The following DLG1 variants were observed in gnomAD, a reference collection of about 807,000 sequenced individuals.
DLG1 encodes the protein disks large homolog 1.
In DLG1, 42 loss-of-function variants were observed where a neutral mutation model predicts 123.4. That is an observed-to-expected ratio of 0.34 (90% CI 0.27 to 0.44). DLG1 has a LOEUF of 0.44. Among genes scored for constraint, DLG1 ranks in the 20% least tolerant of loss-of-function variants. The probability of loss-of-function intolerance (pLI) is 1.00; values close to 1 mark genes in which losing one functional copy is unlikely to be tolerated. For missense variants in DLG1, 942 were observed against 1,082.6 expected, an observed-to-expected ratio of 0.87 and a Z score of 1.82; for synonymous variants, 317 against 356.2, an observed-to-expected ratio of 0.89 and a Z score of 1.24.
intron 11 of DLG1, among the ~76,000 whole-genome samples, chr3:197,127,457 AATATATATATATATATATAT>A (rs1553936527): frequency 0.014 from 301 of 20,820 alleles, 6 homozygotes; most frequent in African/African-American, 0.046. Flanking sequence ...AAAAAAAAAA[AATATATATATATATATATAT>A]ATATATATAT....
At chr3:197,135,422 T>C (rs1784591728) in intron 10 of DLG1, among the ~76,000 whole-genome samples, 1 of 152,176 alleles carries the variant, frequency 6.6e-6, no homozygotes, top group East Asian at 1.9e-4. Context: ...TGCTGGCACG[T>C]CTCTCTCCTG....
At chr3:197,170,677 T>C (rs1803747151) in intron 5 of DLG1, among the ~76,000 whole-genome samples, 1 of 152,208 alleles carries the variant, frequency 6.6e-6, no homozygotes, top group South Asian at 2.1e-4. Context: ...TTTTCTTCCA[T>C]TCTGTAGGTT....
rs984130510 is a variant in DLG1 at position 197,190,879 on chromosome 3, G to A, written c.483+3546C>T. On this transcript the variant is annotated intron_variant, in intron 5 of 24. Transcript: ENST00000667157. ...CAAAATATTAGCCAGGCGTGGTGGC[G>A]GGCGCCTGTAGTCCCAGCTACTCGG... 6.6e-5 allele frequency among the ~76,000 whole-genome samples: 10 copies of A among 152,210 alleles called. 1 individual carries two copies. Among genetic ancestry groups the A allele is most frequent in the African/African-American group, 2.2e-4 (9 of 41,552 alleles).
At position 197,294,450 on chromosome 3, in the gene DLG1, T is replaced by G. The variant is rs1776390270; in HGVS notation, c.151+1896A>C. ...TCACGAGGTCAGGAGATCGAGACCA[T>G]CCTGGCTTACACAGTGAAACCCCGT... On this transcript the variant is annotated intron_variant, in intron 3 of 24. Coordinates refer to ENST00000667157, the MANE Select transcript of DLG1 (RefSeq NM_001366207.1). 2.6e-5 allele frequency among the ~76,000 whole-genome samples: 4 copies of G among 151,916 alleles called. No homozygotes were observed. In the South Asian group the frequency reaches 8.3e-4, roughly 32 times the overall value.
chr3:197,069,296 T>G, intron 18 of DLG1, 36 bp from the exon 19 acceptor site: 1 of 1,464,968 alleles, frequency 6.8e-7, no homozygotes, highest in Non-Finnish European at 9.3e-7. Context: ...AATAAAACAG[T>G]GTCATGAGTT....
intron 4 of DLG1, among the ~76,000 whole-genome samples, chr3:197,200,219 A>C (rs1390561328): frequency 6.6e-6 from 1 of 152,178 alleles, no homozygotes; most frequent in African/African-American, 2.4e-5. Flanking sequence ...GTATTTAATA[A>C]AATATTTAGT....
intron 17 of DLG1, among the ~76,000 whole-genome samples, chr3:197,078,734 GAAA>G (rs1377302424): frequency 6.6e-6 from 1 of 152,080 alleles, no homozygotes; most frequent in Non-Finnish European, 1.5e-5. Flanking sequence ...CTAATTTAGG[GAAA>G]AACTAAATCT....
chr3:197,228,010 C>CA (rs1246616378), intron 4 of DLG1, among the ~76,000 whole-genome samples: 1 of 152,170 alleles, frequency 6.6e-6, no homozygotes, highest in Non-Finnish European at 1.5e-5. Context: ...GGTTCTCAGC[C>CA]TTTTTCACTG....
chr3:197,157,281 A>G (rs984834905), intron 5 of DLG1, among the ~76,000 whole-genome samples: 1 of 152,240 alleles, frequency 6.6e-6, no homozygotes, highest in Non-Finnish European at 1.5e-5. Context: ...AAAACACCCT[A>G]AAGATTCTAC....
chr3:197,161,365 T>TAA (rs1798692832), intron 5 of DLG1, among the ~76,000 whole-genome samples: 1 of 152,194 alleles, frequency 6.6e-6, no homozygotes, highest in Non-Finnish European at 1.5e-5. Flanking sequence ...AAAACTGTTT[T>TAA]AAGCAGATTT....
At chr3:197,141,987 G>A (rs1473755717) in intron 7 of DLG1, among the ~76,000 whole-genome samples, 6 of 152,192 alleles carry the variant, frequency 3.9e-5, no homozygotes, top group Admixed American at 2.0e-4. Flanking sequence ...GATTACAGGC[G>A]TGAGTGCAGA....
At chr3:197,115,054 A>G (rs1042408288) in intron 13 of DLG1, among the ~76,000 whole-genome samples, 1 of 151,910 alleles carries the variant, frequency 6.6e-6, no homozygotes, top group African/African-American at 2.4e-5. Context: ...TACAACAAAT[A>G]ACTGTACAAT....
intron 4 of DLG1, among the ~76,000 whole-genome samples, chr3:197,248,270 A>C (rs1752731724): frequency 6.6e-6 from 1 of 151,978 alleles, no homozygotes; most frequent in South Asian, 2.1e-4. Flanking sequence ...CGGCTTTTCT[A>C]ACCTTGGTCT....
rs147123831 is a variant in DLG1, at chr3:197,200,021, A to G, written c.319-5432T>C. ...ACACTGCCCTTAATCTTGGTTAACA[A>G]TATCAGCAATATTATTTTACTCACT... On this transcript the variant is annotated intron_variant, in intron 4 of 24. Coordinates refer to ENST00000667157, the MANE Select transcript of DLG1 (RefSeq NM_001366207.1). Among the ~76,000 whole-genome samples, 1,481 of 152,280 alleles carry G rather than the reference A, an allele frequency of 9.7e-3. 18 individuals carry two copies. Among genetic ancestry groups the G allele is most frequent in the African/African-American group, 0.023 (958 of 41,568 alleles).
In DLG1 at chr3:197,289,103, G is replaced by C. The variant is rs566446440; in HGVS notation, c.152-6258C>G. Among the ~76,000 whole-genome samples the C allele has an allele frequency of 2.6e-5, 4 of 152,228 alleles. No individual in the cohort carries two copies. In the East Asian group the frequency reaches 7.7e-4, roughly 29 times the overall value. ...AGAAGTCAAACAAGCCAGTTGCTTC[G>C]TCTAGGGCTCAAGTGAAGAAATCAT... On this transcript the variant is annotated intron_variant, in intron 3 of 24. Coordinates refer to ENST00000667157, the MANE Select transcript of DLG1 (RefSeq NM_001366207.1).
At chr3:197,065,900 G>C in intron 20 of DLG1, 91 bp from the exon 21 acceptor site, 1 of 786,756 alleles carries the variant, frequency 1.3e-6, no homozygotes, top group Non-Finnish European at 2.0e-6. Context: ...ATCCTTAACT[G>C]TTATGACTAA....
intron 6 of DLG1, among the ~76,000 whole-genome samples, chr3:197,144,491 A>G (rs1175867768): frequency 6.6e-6 from 1 of 152,162 alleles, no homozygotes; most frequent in Non-Finnish European, 1.5e-5. Context: ...GAGCCATCCA[A>G]TTCATTATGA....
chr3:197,232,383 T>C (rs1045410969), intron 4 of DLG1, among the ~76,000 whole-genome samples: 1 of 141,924 alleles, frequency 7.0e-6, no homozygotes, highest in African/African-American at 2.6e-5. Flanking sequence ...AAAAAAAAGG[T>C]GCAAGAAGAG....
At chr3:197,297,906 C>T (rs1449140290) in intron 1 of DLG1, 8 of 984,386 alleles carry the variant, frequency 8.1e-6, no homozygotes, top group Non-Finnish European at 8.4e-6. Context: ...CCGCCCGGGG[C>T]CCGCGGAGCC....
Sources: allele counts gnomAD v4.1 joint callset (sites outside exome capture counted in the v4.1 genomes callset), GRCh38; gene constraint gnomAD v4.1.1; transcripts MANE v1.5; gene names NCBI Gene and HGNC (gene_info 2026-07-23, HGNC 2026-07-21).